Variants in SH2D4B observed in about 807,000 individuals in gnomAD.
SH2D4B encodes SH2 domain containing 4B, also known as SH2 domain-containing protein 4B.
In SH2D4B, 45 loss-of-function variants were observed where a neutral mutation model predicts 61.5. The ratio of observed to expected loss-of-function variants is 0.73; its 90% CI spans 0.58 to 0.94. The LOEUF (loss-of-function observed/expected upper bound fraction) is 0.94, where lower values mean the gene tolerates loss of function less well. Among genes scored for constraint, SH2D4B ranks in the 40% least tolerant of loss-of-function variants. SH2D4B has a pLI of 0.00. For synonymous variants in SH2D4B, 224 were observed against 220.4 expected, an observed-to-expected ratio of 1.02 and a Z score of -0.14; for missense variants, 572 against 574.2, an observed-to-expected ratio of 1.00 and a Z score of 0.04.
intron 6 of SH2D4B, among the ~76,000 whole-genome samples, chr10:80,630,412 T>C (rs2343558): frequency 0.099 from 15,058 of 152,242 alleles, 1,494 homozygotes; most frequent in African/African-American, 0.25. Context: ...GAGCGGCTCA[T>C]AGCCTATTTA....
chr10:80,571,963 G>A (rs999921299), intron 3 of SH2D4B, among the ~76,000 whole-genome samples: 8 of 151,928 alleles, frequency 5.3e-5, no homozygotes, highest in Middle Eastern at 3.4e-3. Context: ...TAGTAGAGAC[G>A]GGGTTTCACC....
chr10:80,546,249 T>C (rs925398616), intron 1 of SH2D4B, among the ~76,000 whole-genome samples: 1 of 151,928 alleles, frequency 6.6e-6, no homozygotes, highest in African/African-American at 2.4e-5. Flanking sequence ...GGTCTCAGCA[T>C]GTTGCCTAGA....
chr10:80,550,536 G>A (rs1841745713), intron 1 of SH2D4B, among the ~76,000 whole-genome samples: 1 of 152,060 alleles, frequency 6.6e-6, no homozygotes. Context: ...GGAGCTTGCA[G>A]TGAGCCCATA....
intron 4 of SH2D4B, among the ~76,000 whole-genome samples, 174 bp from the exon 5 acceptor site, chr10:80,603,405 C>T (rs1842474577): frequency 6.6e-6 from 1 of 152,180 alleles, no homozygotes; most frequent in African/African-American, 2.4e-5. Context: ...AGCTTCCTTG[C>T]AGCCAGGTGA....
At chr10:80,626,969 G>A (rs562532942) in intron 6 of SH2D4B, among the ~76,000 whole-genome samples, 7 of 152,310 alleles carry the variant, frequency 4.6e-5, no homozygotes, top group Non-Finnish European at 8.8e-5. Context: ...CTGACATTCA[G>A]TGTCCTCAGT....
intron 1 of SH2D4B, among the ~76,000 whole-genome samples, chr10:80,543,450 G>C (rs1157422595): frequency 6.6e-6 from 1 of 152,106 alleles, no homozygotes. Context: ...GCCTTCCCGC[G>C]GCGCAGGGCT....
chr10:80,611,648 A>T (rs956949042), intron 6 of SH2D4B, among the ~76,000 whole-genome samples: 6 of 152,090 alleles, frequency 3.9e-5, no homozygotes. Flanking sequence ...CATCTTAGGG[A>T]GCTGTGGAGT....
rs1381632843 is a variant in SH2D4B, at chr10:80,644,010, T to A, written c.1227T>A (p.Val409=). 2 of 1,613,960 alleles carry A rather than the reference T, an allele frequency of 1.2e-6. No homozygotes were observed. The highest frequency in any genetic ancestry group is 8.5e-7 in the Non-Finnish European group (1 of 1,179,910). The change falls in exon 8 of 8, where the codon GTT becomes GTA. Residue 409 remains valine, a synonymous_variant. Coordinates refer to ENST00000646907, the MANE Select transcript of SH2D4B (RefSeq NM_001388272.1). ...VDFHKEEIIT[V]SGGELLQEPC... ...TGTTTTAGGAGGAAATTATCACTGT[T>A]TCAGGAGGAGAGTTACTTCAGGAAC... is the stretch of plus-strand genomic sequence containing the variant.
intron 1 of SH2D4B, among the ~76,000 whole-genome samples, chr10:80,563,190 C>G (rs370667525): frequency 6.6e-6 from 1 of 152,086 alleles, no homozygotes; most frequent in Non-Finnish European, 1.5e-5. Context: ...CGTGAGCCAC[C>G]GCGCCCGGCC....
At chr10:80,570,482 A>T (rs1057276298) in intron 2 of SH2D4B, among the ~76,000 whole-genome samples, 166 bp downstream of exon 2, 2 of 152,228 alleles carry the variant, frequency 1.3e-5, no homozygotes, top group African/African-American at 4.8e-5. Context: ...GGCCTCCCAA[A>T]GTGTTGGGAT....
intron 4 of SH2D4B, among the ~76,000 whole-genome samples, chr10:80,599,213 G>A (rs762996269): frequency 1.1e-4 from 17 of 152,162 alleles, no homozygotes; most frequent in Non-Finnish European, 2.4e-4. Context: ...AGGGGCTAGT[G>A]GGGGTAGAGT....
intron 1 of SH2D4B, among the ~76,000 whole-genome samples, chr10:80,546,664 T>C (rs1428520293): frequency 6.6e-6 from 1 of 152,048 alleles, no homozygotes; most frequent in East Asian, 1.9e-4. Context: ...TAGCTGGACC[T>C]ACAGGCGCCC....
In SH2D4B at chr10:80,574,265, T is replaced by C. The variant is rs111694357; in HGVS notation, c.495+2687T>C. On this transcript the variant is annotated intron_variant, in intron 3 of 7. Transcript: ENST00000646907. ...GATCCTCCCTCCTCAGCCTCCCAAG[T>C]AGCTGGAACTGCAGGCATGTGCCAC... 6.6e-3 allele frequency among the ~76,000 whole-genome samples: 998 copies of C among 152,286 alleles called. 6 individuals are homozygous for C. The highest frequency in any genetic ancestry group is 0.022 in the African/African-American group (905 of 41,556).
chr10:80,572,633 T>G (rs1170000463), intron 3 of SH2D4B, among the ~76,000 whole-genome samples: 1 of 151,968 alleles, frequency 6.6e-6, no homozygotes, highest in African/African-American at 2.4e-5. Context: ...TTTCTTTTCT[T>G]TTTTGAGACG....
At chr10:80,602,465 A>C (rs1842461425) in intron 4 of SH2D4B, among the ~76,000 whole-genome samples, 1 of 152,196 alleles carries the variant, frequency 6.6e-6, no homozygotes, top group Non-Finnish European at 1.5e-5. Flanking sequence ...CTTATCTCAA[A>C]AAATGAATAT....
intron 1 of SH2D4B, among the ~76,000 whole-genome samples, chr10:80,544,994 G>A (rs988138156): frequency 1.3e-5 from 2 of 152,012 alleles, no homozygotes; most frequent in Non-Finnish European, 1.5e-5. Context: ...TCACCCACTC[G>A]CAATGAGCCC....
In SH2D4B at chr10:80,542,415, T is replaced by C. The variant is rs995475180; in HGVS notation, c.184+3900T>C. Reference sequence around the variant, plus strand: ...AGTTCTATCTTTTTTTTTTTTTTTTTCAGACAGAATCTCACTCTATTGCTC... The same window carrying C: ...AGTTCTATCTTTTTTTTTTTTTTTTCCAGACAGAATCTCACTCTATTGCTC... On this transcript the variant is annotated intron_variant, in intron 1 of 7. Transcript: ENST00000646907. Among the ~76,000 whole-genome samples, 40 of 149,160 alleles carry C rather than the reference T, an allele frequency of 2.7e-4. No individual in the cohort carries two copies. The South Asian group carries it at 5.1e-3, about 19-fold the overall frequency.
Position 80,543,274 on chromosome 10 carries a change from G to A in SH2D4B, c.184+4759G>A, listed in dbSNP as rs1465832811. ...CTTGCAGGGAGGTGTGGAGGGAGAG[G>A]CGCCAGCGGGAACCGGGGCCAGCGC... On this transcript the variant is annotated intron_variant, in intron 1 of 7. Transcript: ENST00000646907. Among the ~76,000 whole-genome samples the A allele has an allele frequency of 3.9e-5, 6 of 152,254 alleles. No homozygotes were observed. The South Asian group carries it at 1.2e-3, about 32-fold the overall frequency.
rs939227159 is a variant in SH2D4B at position 80,645,979 on chromosome 10, T to A, written c.*1894T>A. On this transcript the variant is annotated 3_prime_UTR_variant, in exon 8 of 8. Coordinates refer to ENST00000646907, the MANE Select transcript of SH2D4B (RefSeq NM_001388272.1). ...TTTCTATGGACTCAGAGGAATGATG[T>A]TTTAGTTTTGGCTCTCTGATTTACC... The A allele has an allele frequency of 6.6e-6, 1 of 152,290 alleles. No homozygotes were observed. The highest frequency in any genetic ancestry group is 1.5e-5 in the Non-Finnish European group (1 of 68,020). 9.4% of individuals were successfully genotyped at this position (152,290 alleles called of 1,614,324 possible). A position where few individuals can be genotyped will look rare whatever the true frequency, so the allele number is the denominator to read the frequency against.
Sources: allele counts gnomAD v4.1 joint callset (sites outside exome capture counted in the v4.1 genomes callset), GRCh38; gene constraint gnomAD v4.1.1; transcripts MANE v1.5; gene names NCBI Gene and HGNC (gene_info 2026-07-23, HGNC 2026-07-21).